The following OCM2 variants were observed in gnomAD, a reference collection of about 807,000 sequenced individuals.
OCM2 encodes oncomodulin-2.
OCM2 carries 6 observed loss-of-function variants against 13.6 expected under a neutral mutation model. That is an observed-to-expected ratio of 0.44 (90% CI 0.24 to 0.87). OCM2 has a LOEUF of 0.87. Ranked by LOEUF, OCM2 falls within the 40% of genes least tolerant of loss-of-function variation. OCM2 has a pLI of 0.22. For missense variants in OCM2, 118 were observed against 136.8 expected (o/e 0.86, Z 0.68); for synonymous variants, 40 against 50.7 (o/e 0.79, Z 0.90).
intron 3 of OCM2, among the ~76,000 whole-genome samples, chr7:97,985,431 A>G (rs4729398): frequency 6.1e-5 from 8 of 131,500 alleles, no homozygotes; most frequent in Admixed American, 1.9e-4. Context: ...AAAAAAAAAA[A>G]AAAGAAAGAA....
chr7:97,988,816 CT>C (rs1238081154), intron 1 of OCM2, among the ~76,000 whole-genome samples: 1 of 152,094 alleles, frequency 6.6e-6, no homozygotes, highest in East Asian at 1.9e-4. Context: ...CCCCCTCCCC[CT>C]GGCCCACTTT....
chr7:97,986,791 G>A (rs1794676523), intron 3 of OCM2, among the ~76,000 whole-genome samples: 1 of 152,122 alleles, frequency 6.6e-6, no homozygotes, highest in African/African-American at 2.4e-5. Flanking sequence ...CCCCTAGTCA[G>A]GTGAAGGATA....
chr7:97,990,016 T>TGGGGGGGGGGG, intron 1 of OCM2, 28 bp downstream of exon 1: 1 of 1,083,840 alleles, frequency 9.2e-7, no homozygotes, highest in Non-Finnish European at 1.4e-6. Flanking sequence ...TGTGAGGAAA[T>TGGGGGGGGGGG]CCCACCCCCG....
chr7:97,989,114 A>G (rs1169211315), intron 1 of OCM2, among the ~76,000 whole-genome samples: 4 of 151,678 alleles, frequency 2.6e-5, no homozygotes, highest in Non-Finnish European at 5.9e-5. Context: ...TATTTTTAAT[A>G]GAGACAGGGT....
intron 3 of OCM2, among the ~76,000 whole-genome samples, chr7:97,986,843 T>A (rs1469930186): frequency 1.3e-5 from 2 of 152,172 alleles, no homozygotes; most frequent in East Asian, 3.8e-4. Context: ...CCAGCTTCTA[T>A]ATACCTACCG....
chr7:97,986,905 C>A, intron 3 of OCM2, 142 bp downstream of exon 3: 2 of 1,372,914 alleles, frequency 1.5e-6, no homozygotes, highest in Non-Finnish European at 2.0e-6. Context: ...ACTTTAGTCT[C>A]ATTTTACAGA....
At chr7:97,988,322 G>A (rs1267062462) in intron 2 of OCM2, 94 bp downstream of exon 2, 7 of 1,484,538 alleles carry the variant, frequency 4.7e-6, no homozygotes, top group Non-Finnish European at 6.4e-6. Context: ...CACCAAGGCT[G>A]GCCATTGAAG....
rs1324363326 is a variant in OCM2, at chr7:97,986,965, A to G, written c.304+82T>C. Reference sequence around the variant, plus strand: ...TTAAGAAAGGGAGATTTTAAGCCACATTGGTTTGATCTCACAGCCCAACCC... The same window carrying G: ...TTAAGAAAGGGAGATTTTAAGCCACGTTGGTTTGATCTCACAGCCCAACCC... On this transcript the variant is annotated intron_variant, in intron 3 of 3. Coordinates refer to ENST00000257627, the Ensembl canonical transcript of OCM2. 7.5e-6 allele frequency: 12 copies of G among 1,593,356 alleles called. No homozygotes were observed. The East Asian group carries it at 1.3e-4, about 18-fold the overall frequency.
intron 2 of OCM2, 110 bp from the exon 3 acceptor site, chr7:97,987,266 T>C: frequency 1.6e-6 from 2 of 1,271,668 alleles, no homozygotes; most frequent in Non-Finnish European, 2.2e-6. Context: ...CCTGCAATAA[T>C]TAGCCAAGGT....
intron 3 of OCM2, among the ~76,000 whole-genome samples, chr7:97,985,699 T>C (rs1160506390): frequency 3.3e-5 from 5 of 152,146 alleles, no homozygotes; most frequent in Admixed American, 2.0e-4. Context: ...ATTCTGTAGC[T>C]GGGTATTGCA....
exon 1 of OCM2, chr7:97,990,166 C>G: frequency 6.7e-7 from 1 of 1,493,332 alleles, no homozygotes; most frequent in Non-Finnish European, 9.3e-7. Context: ...ACGTGCACAT[C>G]CAGGGGAAAC....
At chr7:97,986,198 C>T (rs1411783669) in intron 3 of OCM2, among the ~76,000 whole-genome samples, 1 of 152,218 alleles carries the variant, frequency 6.6e-6, no homozygotes, top group Non-Finnish European at 1.5e-5. Context: ...TAGGCCTGAG[C>T]CACCACGCCC....
At chr7:97,986,968 G>C in intron 3 of OCM2, 79 bp downstream of exon 3, 1 of 1,596,692 alleles carries the variant, frequency 6.3e-7, no homozygotes, top group Admixed American at 1.7e-5. Context: ...AAGCCACATT[G>C]GTTTGATCTC....
chr7:97,988,734 C>T (rs1404530996), intron 1 of OCM2, among the ~76,000 whole-genome samples, 186 bp from the exon 2 acceptor site: 3 of 150,504 alleles, frequency 2.0e-5, no homozygotes, highest in African/African-American at 7.4e-5. Flanking sequence ...CCCATGTCCC[C>T]TCCGCCCCGG....
intron 1 of OCM2, among the ~76,000 whole-genome samples, chr7:97,989,638 GCTCAAACAGTCCT>G (rs1381001161): frequency 6.7e-6 from 1 of 150,260 alleles, no homozygotes; most frequent in Non-Finnish European, 1.5e-5. Context: ...AAACTCCTGG[GCTCAAACAGTCCT>G]CTCACCTTGG....
exon 4 of OCM2, chr7:97,984,883 G>T: frequency 7.4e-7 from 1 of 1,353,998 alleles, no homozygotes; most frequent in Non-Finnish European, 1.0e-6. Flanking sequence ...GGGATGTGGG[G>T]TTCCCCATTC....
intron 3 of OCM2, among the ~76,000 whole-genome samples, chr7:97,985,370 A>G (rs1422027613): frequency 1.3e-5 from 2 of 149,664 alleles, no homozygotes; most frequent in Non-Finnish European, 3.0e-5. Flanking sequence ...AGTGAGCCGA[A>G]ATCATGCCAC....
In OCM2 at chr7:97,988,690, G is replaced by C. The variant is rs1247694772; in HGVS notation, c.62-142C>G. On this transcript the variant is annotated intron_variant, in intron 1 of 3. Coordinates refer to ENST00000257627, the Ensembl canonical transcript of OCM2. ...GATGCTCAACTGGTCTAAGATTTTGGGACAGCCAAGACTTGATGGCTCTGT... is the reference window on the plus strand; with the variant it reads ...GATGCTCAACTGGTCTAAGATTTTGCGACAGCCAAGACTTGATGGCTCTGT... The C allele has an allele frequency of 7.0e-6, 8 of 1,139,082 alleles. No homozygotes were observed. In the Admixed American group the frequency reaches 1.6e-4, roughly 23 times the overall value. The allele number at this position is 1,139,082 out of a possible 1,614,324, so 70.6% of individuals were successfully genotyped here. A position where few individuals can be genotyped will look rare whatever the true frequency, so the allele number is the denominator to read the frequency against.
intron 3 of OCM2, 146 bp downstream of exon 3, chr7:97,986,901 G>A (rs1353757192): frequency 6.1e-6 from 8 of 1,307,772 alleles, no homozygotes; most frequent in Non-Finnish European, 7.2e-6. Context: ...CCTTACTTTA[G>A]TCTCATTTTA....
Sources: gnomAD v4.1 joint callset for allele counts (sites outside exome capture counted in the v4.1 genomes callset) on GRCh38, gnomAD v4.1.1 for gene constraint, MANE v1.5 for transcripts, NCBI Gene and HGNC (gene_info 2026-07-23, HGNC 2026-07-21) for gene names.